The following ABCB4 variants were observed in gnomAD, a reference collection of about 807,000 sequenced individuals.
The protein encoded by ABCB4 is phosphatidylcholine translocator ABCB4.
ABCB4 carries 76 observed loss-of-function variants against 145.7 expected under a neutral mutation model. That is an observed-to-expected ratio of 0.52 (90% CI 0.43 to 0.63). ABCB4 has a LOEUF of 0.63. Among genes scored for constraint, ABCB4 ranks in the 30% least tolerant of loss-of-function variants. The probability of loss-of-function intolerance (pLI) is 0.00; values close to 1 mark genes in which losing one functional copy is unlikely to be tolerated. For synonymous variants in ABCB4, 517 were observed against 566.8 expected, an observed-to-expected ratio of 0.91 and a Z score of 1.25; for missense variants, 1,234 against 1,553.1, an observed-to-expected ratio of 0.79 and a Z score of 3.45.
intron 11 of ABCB4, 103 bp from the exon 12 acceptor site, chr7:87,443,547 A>C: frequency 6.4e-7 from 1 of 1,551,392 alleles, no homozygotes; most frequent in Non-Finnish European, 8.8e-7. Flanking sequence ...CAAATAAGGG[A>C]ATATAACCCC....
At chr7:87,420,189 G>C in intron 18 of ABCB4, 114 bp from the exon 19 acceptor site, 1 of 934,728 alleles carries the variant, frequency 1.1e-6, no homozygotes, top group South Asian at 1.3e-5. Flanking sequence ...CAGTTGCCAC[G>C]GATCCTCAAG....
chr7:87,428,368 A>C (rs1455880717), intron 15 of ABCB4, among the ~76,000 whole-genome samples: 1 of 152,158 alleles, frequency 6.6e-6, no homozygotes, highest in Non-Finnish European at 1.5e-5. Context: ...AATAGCCCTC[A>C]TTTCTTCCAC....
the ABCB4 span, among the ~76,000 whole-genome samples, chr7:87,379,582 C>G: frequency 6.6e-6 from 1 of 152,210 alleles, no homozygotes; most frequent in Non-Finnish European, 1.5e-5. Flanking sequence ...ATAATCTTGT[C>G]TGTCTCTGAA....
intron 25 of ABCB4, among the ~76,000 whole-genome samples, chr7:87,407,104 C>A (rs1165208236): frequency 1.3e-5 from 2 of 152,152 alleles, no homozygotes; most frequent in Non-Finnish European, 2.9e-5. Flanking sequence ...TTTTGTTTTA[C>A]TTGCTATAGG....
In ABCB4 at chr7:87,409,396, G is replaced by GACAGA. The variant is rs1562951865; in HGVS notation, c.2925-9_2925-5dup. On this transcript the variant is annotated splice_region_variant and splice_polypyrimidine_tract_variant and intron_variant, in intron 23 of 27. Transcript: ENST00000649586. ...AAATACAATTGCAGAAAACACCCTA[G>GACAGA]ACAGAAGTAGAGGAATTCAAAAATT... is the stretch of plus-strand genomic sequence containing the variant. 2 of 1,613,796 alleles carry GACAGA rather than the reference G, an allele frequency of 1.2e-6. No homozygotes were observed. Among genetic ancestry groups the GACAGA allele is most frequent in the Admixed American group, 3.3e-5 (2 of 60,020 alleles).
intron 15 of ABCB4, among the ~76,000 whole-genome samples, chr7:87,430,234 A>G (rs546229506): frequency 5.9e-5 from 9 of 152,344 alleles, no homozygotes; most frequent in African/African-American, 1.9e-4. Flanking sequence ...AATTTCACAC[A>G]TTAATAAAAT....
chr7:87,402,123 A>C lies in ABCB4; in HGVS notation c.3813T>G (p.Ser1271Arg). The C allele has an allele frequency of 6.2e-7, 1 of 1,614,108 alleles. No homozygotes were observed. Among genetic ancestry groups the C allele is most frequent in the Non-Finnish European group, 8.5e-7 (1 of 1,180,038 alleles). ...AQKGIYFSMVSVQAGTQNL is the reference protein window; with the variant it reads ...AQKGIYFSMVRVQAGTQNL ...ATAAGTTCTGTGTCCCAGCCTGGAC[A>C]CTGACCATTGAAAAATAGATGCCTT... Residue 1271 changes from serine (S) to arginine (R), a missense_variant, in exon 28 of 28, where the codon AGT becomes AGG. Ser to Arg is a moderately radical substitution (Grantham distance 110). Coordinates refer to ENST00000649586, the MANE Select transcript of ABCB4 (RefSeq NM_000443.4).
At chr7:87,466,613 T>G (rs967361757) in intron 3 of ABCB4, among the ~76,000 whole-genome samples, 1 of 151,960 alleles carries the variant, frequency 6.6e-6, no homozygotes, top group Non-Finnish European at 1.5e-5. Flanking sequence ...TCGCCAAAGT[T>G]GAAATGAAGG....
chr7:87,444,494 G>A (rs1314891916), intron 10 of ABCB4, among the ~76,000 whole-genome samples: 2 of 151,848 alleles, frequency 1.3e-5, no homozygotes, highest in African/African-American at 4.8e-5. Flanking sequence ...GTCAATTTTG[G>A]TCCCACCGAT....
downstream of ABCB4, among the ~76,000 whole-genome samples, chr7:87,401,420 G>C (rs1023458336): frequency 2.0e-5 from 3 of 152,162 alleles, no homozygotes; most frequent in East Asian, 1.9e-4. Context: ...TTATAAAAGA[G>C]AACGCAGTTG....
chr7:87,438,085 G>A (rs901659308), intron 14 of ABCB4, among the ~76,000 whole-genome samples: 1 of 152,078 alleles, frequency 6.6e-6, no homozygotes, highest in Admixed American at 6.6e-5. Flanking sequence ...GAACTATATT[G>A]TATATTGAAT....
At chr7:87,416,816 G>T (rs1448858717) in intron 21 of ABCB4, among the ~76,000 whole-genome samples, 2 of 152,224 alleles carry the variant, frequency 1.3e-5, no homozygotes, top group Non-Finnish European at 1.5e-5. Context: ...ACGTAGTAAG[G>T]CTCAAGTAAA....
chr7:87,470,459 TG>T (rs1276735916), intron 3 of ABCB4, among the ~76,000 whole-genome samples: 1 of 152,152 alleles, frequency 6.6e-6, no homozygotes, highest in Non-Finnish European at 1.5e-5. Context: ...AGAAAATTTT[TG>T]CAATCTACTC....
chr7:87,469,190 C>T (rs1362216789), intron 3 of ABCB4, among the ~76,000 whole-genome samples: 1 of 152,140 alleles, frequency 6.6e-6, no homozygotes, highest in East Asian at 1.9e-4. Context: ...ATGCTAAAAA[C>T]TCTCAATAAA....
chr7:87,370,886 T>C, the ABCB4 span, among the ~76,000 whole-genome samples: 1 of 152,222 alleles, frequency 6.6e-6, no homozygotes. Flanking sequence ...TATGTTCAGC[T>C]TCAATAGATA....
chr7:87,418,719 G>A (rs890658827), intron 19 of ABCB4, 99 bp from the exon 20 acceptor site: 3 of 1,120,624 alleles, frequency 2.7e-6, no homozygotes, highest in Non-Finnish European at 4.0e-6. Flanking sequence ...GAAATTTAGG[G>A]GAGACCTCAT....
Position 87,418,524 on chromosome 7 carries a change from G to A in ABCB4, c.2478+13C>T, listed in dbSNP as rs1363198829. The A allele has an allele frequency of 6.2e-7, 1 of 1,612,512 alleles. No homozygotes were observed. The highest frequency in any genetic ancestry group is 1.7e-5 in the Admixed American group (1 of 60,032). ...TTATGTAAAAAACTACAAGTAGAGT[G>A]CAGTCTACCTACTCCTTGGACTTGG... On this transcript the variant is annotated intron_variant, in intron 20 of 27. Coordinates refer to ENST00000649586, the MANE Select transcript of ABCB4 (RefSeq NM_000443.4).
intron 7 of ABCB4, 79 bp downstream of exon 7, chr7:87,451,544 A>G: frequency 6.6e-7 from 1 of 1,512,582 alleles, no homozygotes; most frequent in Non-Finnish European, 9.2e-7. Flanking sequence ...CTGAACAGGT[A>G]CAAGTACGAG....
the ABCB4 span, among the ~76,000 whole-genome samples, chr7:87,366,019 A>G: frequency 2.6e-5 from 4 of 152,152 alleles, no homozygotes; most frequent in Non-Finnish European, 5.9e-5. Context: ...TGTTCATGTT[A>G]TCCCTTGTCA....
Sources: gnomAD v4.1 joint callset for allele counts (sites outside exome capture counted in the v4.1 genomes callset) on GRCh38, gnomAD v4.1.1 for gene constraint, MANE v1.5 for transcripts, NCBI Gene and HGNC (gene_info 2026-07-23, HGNC 2026-07-21) for gene names.